The following CTNND2 variants were observed in gnomAD, a reference collection of about 807,000 sequenced individuals.
CTNND2 encodes the protein catenin delta 2.
In CTNND2, 22 loss-of-function variants were observed where a neutral mutation model predicts 144.4. The ratio of observed to expected loss-of-function variants is 0.15; its 90% CI spans 0.11 to 0.22. The LOEUF is 0.22. Ranked by LOEUF, CTNND2 falls within the 10% of genes least tolerant of loss-of-function variation. CTNND2 has a pLI of 1.00. For synonymous variants in CTNND2, 751 were observed against 695.6 expected (o/e 1.08, Z -1.25); for missense variants, 1,353 against 1,618.8 (o/e 0.84, Z 2.82).
intron 9 of CTNND2, among the ~76,000 whole-genome samples, chr5:11,330,477 C>A (rs1752998845): frequency 1.1e-5 from 1 of 87,062 alleles, no homozygotes; most frequent in African/African-American, 4.7e-5. Context: ...GAGAGAGACT[C>A]CGTCTCAAAA....
intron 11 of CTNND2, among the ~76,000 whole-genome samples, chr5:11,198,799 C>G (rs1322393439): frequency 2.0e-5 from 3 of 152,190 alleles, no homozygotes; most frequent in Non-Finnish European, 4.4e-5. Context: ...GGAGGGATGA[C>G]AGCTTATGGC....
In CTNND2 at chr5:10,992,636, G is replaced by C. The variant is rs772631408; in HGVS notation, c.3126C>G (p.Thr1042=). The C allele has an allele frequency of 3.1e-6, 5 of 1,614,172 alleles. No individual in the cohort carries two copies. In the Middle Eastern group the frequency reaches 6.6e-4, roughly 213 times the overall value. ...SQYHFVASSS[T]IERDRQRPYS... is the part of the protein sequence containing the mutation. ...AGGGCCTTTGCCGGTCCCTCTCGAT[G>C]GTTGAAGACGAGGCTACAAAGTGGT... The change falls in exon 19 of 22, where the codon ACC becomes ACG. Residue 1042 remains threonine, a synonymous_variant. Coordinates refer to ENST00000304623, the MANE Select transcript of CTNND2 (RefSeq NM_001332.4).
At chr5:11,894,056 G>A (rs759512694) in intron 1 of CTNND2, among the ~76,000 whole-genome samples, 3 of 151,804 alleles carry the variant, frequency 2.0e-5, no homozygotes, top group Non-Finnish European at 4.4e-5. Context: ...CTTCCTATTG[G>A]CAGACTACAG....
chr5:11,589,294 C>CACAT (rs1779086854), intron 2 of CTNND2, among the ~76,000 whole-genome samples: 1 of 150,720 alleles, frequency 6.6e-6, no homozygotes. Flanking sequence ...CACACACACA[C>CACAT]ACACACACAC....
chr5:11,310,045 G>A (rs947682369), intron 9 of CTNND2, among the ~76,000 whole-genome samples: 22 of 152,028 alleles, frequency 1.4e-4, no homozygotes, highest in Non-Finnish European at 5.9e-5. Flanking sequence ...TGCTTTATAA[G>A]TTACTCTATC....
At chr5:11,479,163 G>A (rs1037795393) in intron 3 of CTNND2, among the ~76,000 whole-genome samples, 1 of 152,034 alleles carries the variant, frequency 6.6e-6, no homozygotes, top group Non-Finnish European at 1.5e-5. Flanking sequence ...TTCACCCTCA[G>A]GAATGTCCTA....
intron 3 of CTNND2, among the ~76,000 whole-genome samples, chr5:11,541,077 C>T (rs1412948083): frequency 1.3e-5 from 2 of 152,134 alleles, no homozygotes; most frequent in Non-Finnish European, 2.9e-5. Context: ...GCAATGGATG[C>T]CATCAACTGA....
chr5:11,162,948 G>T (rs1560951210), intron 11 of CTNND2, among the ~76,000 whole-genome samples: 1 of 151,546 alleles, frequency 6.6e-6, no homozygotes, highest in South Asian at 2.1e-4. Context: ...TTGACTGACG[G>T]AAGAGAGATT....
intron 3 of CTNND2, among the ~76,000 whole-genome samples, chr5:11,439,905 A>G (rs1282927485): frequency 6.6e-6 from 1 of 151,816 alleles, no homozygotes. Context: ...ACCTAGTCTC[A>G]AGTGATCCTC....
intron 9 of CTNND2, among the ~76,000 whole-genome samples, chr5:11,285,655 C>T (rs74975648): frequency 2.6e-3 from 398 of 152,234 alleles, no homozygotes; most frequent in African/African-American, 5.2e-3. Flanking sequence ...TAGAATGAAA[C>T]GAAAGAATGG....
Position 11,903,885 on chromosome 5 carries a change from G to T in CTNND2, c.-32C>A. ...TCCGCCGGCGACAGCTCCTCAGTCCGGGAAGAGGCGTGCGCGGCGCCGCCC... is the reference window on the plus strand; with the variant it reads ...TCCGCCGGCGACAGCTCCTCAGTCCTGGAAGAGGCGTGCGCGGCGCCGCCC... On this transcript the variant is annotated 5_prime_UTR_variant, in exon 1 of 22. Coordinates refer to ENST00000304623, the MANE Select transcript of CTNND2 (RefSeq NM_001332.4). This position sits in a 1 kb window ranked among gnomAD's most constrained non-coding sequence, Gnocchi z 5.4. 1 of 1,431,394 alleles carries T rather than the reference G, an allele frequency of 7.0e-7. No homozygotes were observed. The highest frequency in any genetic ancestry group is 1.4e-5 in the South Asian group (1 of 70,280). The allele number at this position is 1,431,394 out of a possible 1,614,324, so 88.7% of individuals were successfully genotyped here.
chr5:11,486,966 T>C (rs1768890231), intron 3 of CTNND2, among the ~76,000 whole-genome samples: 1 of 152,212 alleles, frequency 6.6e-6, no homozygotes, highest in African/African-American at 2.4e-5. Flanking sequence ...CTCAAAGCTT[T>C]GGACATATGT....
intron 3 of CTNND2, among the ~76,000 whole-genome samples, chr5:11,430,779 G>A (rs905033893): frequency 2.6e-5 from 4 of 152,216 alleles, no homozygotes; most frequent in Non-Finnish European, 5.9e-5. Flanking sequence ...TCAGGGAATA[G>A]AGAACAGAAA....
chr5:11,069,710 GAC>G (rs550183840), intron 16 of CTNND2, among the ~76,000 whole-genome samples: 3,562 of 152,032 alleles, frequency 0.023, 152 homozygotes, highest in African/African-American at 0.081. Flanking sequence ...AGAGAGAAGA[GAC>G]AGAGAGACAG....
intron 2 of CTNND2, among the ~76,000 whole-genome samples, chr5:11,578,615 C>T (rs532097067): frequency 4.0e-5 from 6 of 151,782 alleles, no homozygotes; most frequent in African/African-American, 4.8e-5. Context: ...GAGCTGAGAT[C>T]GTGCCACTGC....
intron 11 of CTNND2, among the ~76,000 whole-genome samples, chr5:11,176,998 T>C (rs1409512357): frequency 6.6e-6 from 1 of 152,208 alleles, no homozygotes; most frequent in African/African-American, 2.4e-5. Context: ...ATAAGTTTCT[T>C]ACATAAACTC....
chr5:11,410,195 A>G (rs1325178894), intron 5 of CTNND2, among the ~76,000 whole-genome samples: 1 of 152,178 alleles, frequency 6.6e-6, no homozygotes, highest in Non-Finnish European at 1.5e-5. Context: ...TAAAAGAGGT[A>G]ACGATTAGAC....
intron 3 of CTNND2, among the ~76,000 whole-genome samples, chr5:11,416,414 T>C (rs1478772378): frequency 6.6e-6 from 1 of 152,198 alleles, no homozygotes; most frequent in Non-Finnish European, 1.5e-5. Flanking sequence ...CCCTGATTTC[T>C]TTGGCACAGT....
chr5:11,125,006 C>T (rs1754533142), intron 12 of CTNND2, among the ~76,000 whole-genome samples: 2 of 152,172 alleles, frequency 1.3e-5, no homozygotes, highest in Non-Finnish European at 2.9e-5. Flanking sequence ...CTCGGGGAAA[C>T]GGCAGCTCTG....
Sources: gnomAD v4.1 joint callset for allele counts (sites outside exome capture counted in the v4.1 genomes callset) on GRCh38, gnomAD v4.1.1 for gene constraint, Gnocchi (gnomAD v3.1) non-coding constraint, MANE v1.5 for transcripts, NCBI Gene and HGNC (gene_info 2026-07-23, HGNC 2026-07-21) for gene names.